ZNF804B: variants seen among roughly 807,000 people sequenced by gnomAD.
ZNF804B encodes zinc finger protein 804B.
Under a neutral mutation model 101.4 loss-of-function variants are expected in ZNF804B, and 80 were observed. That is an observed-to-expected ratio of 0.79 (90% CI 0.66 to 0.95). ZNF804B has a LOEUF of 0.95. Among genes scored for constraint, ZNF804B ranks in the 40% least tolerant of loss-of-function variants. The probability of loss-of-function intolerance (pLI) is 0.00; values close to 1 mark genes in which losing one functional copy is unlikely to be tolerated. For synonymous variants in ZNF804B, 622 were observed against 558.8 expected (o/e 1.11, Z -1.59); for missense variants, 1,673 against 1,561.9 (o/e 1.07, Z -1.20).
At position 88,841,069 on chromosome 7, in the gene ZNF804B, C is replaced by T. The variant is rs142392039; in HGVS notation, c.108+80985C>T. On this transcript the variant is annotated intron_variant, in intron 1 of 3. Transcript: ENST00000333190. ...CTCTTATCTATCTTCTTTAACTTCACACTTAGATAGGAAATGATTGTTAAC... is the reference window on the plus strand; with the variant it reads ...CTCTTATCTATCTTCTTTAACTTCATACTTAGATAGGAAATGATTGTTAAC... 7.7e-4 allele frequency among the ~76,000 whole-genome samples: 118 copies of T among 152,258 alleles called. 1 individual carries two copies. Among genetic ancestry groups the T allele is most frequent in the African/African-American group, 2.7e-3 (113 of 41,560 alleles).
intron 1 of ZNF804B, among the ~76,000 whole-genome samples, chr7:89,180,703 C>T (rs1009279349): frequency 1.3e-5 from 2 of 151,622 alleles, no homozygotes; most frequent in Non-Finnish European, 2.9e-5. Flanking sequence ...AAAATAGTCT[C>T]TCCTGGAAAT....
chr7:89,134,348 G>A (rs1482649706), intron 1 of ZNF804B, among the ~76,000 whole-genome samples: 1 of 151,944 alleles, frequency 6.6e-6, no homozygotes, highest in Non-Finnish European at 1.5e-5. Flanking sequence ...TAAAACAGTG[G>A]GAATGGAGCT....
chr7:89,301,345 A>G (rs73384366), intron 2 of ZNF804B, among the ~76,000 whole-genome samples: 1 of 151,654 alleles, frequency 6.6e-6, no homozygotes, highest in Non-Finnish European at 1.5e-5. Flanking sequence ...TTGACAGGAC[A>G]ATGCAATAGC....
intron 1 of ZNF804B, among the ~76,000 whole-genome samples, chr7:89,123,354 T>C (rs1177079805): frequency 6.6e-6 from 1 of 152,162 alleles, no homozygotes; most frequent in African/African-American, 2.4e-5. Context: ...TATACTATGA[T>C]GGCAAGCAAA....
intron 1 of ZNF804B, among the ~76,000 whole-genome samples, chr7:88,804,558 C>A (rs1255013734): frequency 6.6e-6 from 1 of 151,962 alleles, no homozygotes; most frequent in Non-Finnish European, 1.5e-5. Flanking sequence ...TTAACTAACA[C>A]ACAGTGCACA....
chr7:89,180,980 T>C (rs532236146), intron 1 of ZNF804B, among the ~76,000 whole-genome samples: 19 of 151,216 alleles, frequency 1.3e-4, no homozygotes, highest in African/African-American at 3.6e-4. Flanking sequence ...GCCTGAATGC[T>C]CCCTCTGTGG....
intron 2 of ZNF804B, among the ~76,000 whole-genome samples, chr7:89,249,205 C>A (rs1442035569): frequency 6.6e-6 from 1 of 152,114 alleles, no homozygotes; most frequent in Non-Finnish European, 1.5e-5. Flanking sequence ...CAGTGGGGGA[C>A]TTGAACACTC....
At chr7:89,179,383 A>G (rs1788261714) in intron 1 of ZNF804B, among the ~76,000 whole-genome samples, 1 of 151,910 alleles carries the variant, frequency 6.6e-6, no homozygotes, top group South Asian at 2.1e-4. Flanking sequence ...CTTTAAGCTC[A>G]CTATTTCTTT....
intron 1 of ZNF804B, among the ~76,000 whole-genome samples, chr7:89,190,433 A>T (rs1788439922): frequency 6.6e-6 from 1 of 152,084 alleles, no homozygotes; most frequent in Admixed American, 6.6e-5. Flanking sequence ...ACAGACAAGG[A>T]GTTGCTTCTT....
At chr7:88,969,191 ACT>A (rs2116107559) in intron 1 of ZNF804B, among the ~76,000 whole-genome samples, 1 of 151,512 alleles carries the variant, frequency 6.6e-6, no homozygotes, top group East Asian at 2.0e-4. Context: ...TTCCATGAAG[ACT>A]CTATTACTGA....
intron 1 of ZNF804B, among the ~76,000 whole-genome samples, chr7:89,129,665 A>G (rs1360150391): frequency 1.3e-5 from 2 of 151,988 alleles, no homozygotes; most frequent in African/African-American, 4.8e-5. Flanking sequence ...GATGAGGTAG[A>G]ATACTATTAT....
intron 1 of ZNF804B, among the ~76,000 whole-genome samples, chr7:89,103,063 T>TTTTTGTTTTG (rs1790084361): frequency 1.5e-5 from 2 of 134,038 alleles, no homozygotes; most frequent in African/African-American, 6.1e-5. Context: ...TTTTTTTTTT[T>TTTTTGTTTTG]TTTTTTTTTT....
intron 1 of ZNF804B, among the ~76,000 whole-genome samples, chr7:89,147,619 C>T (rs746189326): frequency 6.6e-6 from 1 of 151,990 alleles, no homozygotes; most frequent in Admixed American, 6.6e-5. Flanking sequence ...CCAGGCCATA[C>T]AGCAGGAGGT....
chr7:88,867,445 C>T (rs1434490309), intron 1 of ZNF804B, among the ~76,000 whole-genome samples: 1 of 152,178 alleles, frequency 6.6e-6, no homozygotes, highest in Non-Finnish European at 1.5e-5. Flanking sequence ...TGTCCCAGAT[C>T]CAAGAAAGAG....
At chr7:88,861,136 G>T in intron 1 of ZNF804B, among the ~76,000 whole-genome samples, 1 of 152,206 alleles carries the variant, frequency 6.6e-6, no homozygotes, top group East Asian at 1.9e-4. Flanking sequence ...AAGTGCTAGA[G>T]AACATAAAGA....
intron 1 of ZNF804B, among the ~76,000 whole-genome samples, chr7:89,117,720 C>T (rs1297037964): frequency 6.6e-6 from 1 of 152,038 alleles, no homozygotes; most frequent in East Asian, 1.9e-4. Flanking sequence ...ATTTTTTATT[C>T]AAATTATCAT....
At chr7:88,985,965 AT>A (rs1793754879) in intron 1 of ZNF804B, among the ~76,000 whole-genome samples, 1 of 152,148 alleles carries the variant, frequency 6.6e-6, no homozygotes, top group Non-Finnish European at 1.5e-5. Context: ...TTTCAAAATG[AT>A]TCGTCACATG....
At chr7:89,318,768 C>T (rs898501551) in intron 2 of ZNF804B, among the ~76,000 whole-genome samples, 5 of 152,058 alleles carry the variant, frequency 3.3e-5, no homozygotes, top group Non-Finnish European at 7.4e-5. Context: ...TTGCTGAGAC[C>T]AGCTCATTCG....
chr7:89,098,294 TAG>T (rs879745450), intron 1 of ZNF804B, among the ~76,000 whole-genome samples: 6 of 150,348 alleles, frequency 4.0e-5, no homozygotes, highest in Non-Finnish European at 8.9e-5. Context: ...TTTTTTGAGA[TAG>T]AGTCTTGCTC....
Sources: gnomAD v4.1 joint callset for allele counts (sites outside exome capture counted in the v4.1 genomes callset) on GRCh38, gnomAD v4.1.1 for gene constraint, MANE v1.5 for transcripts, NCBI Gene and HGNC (gene_info 2026-07-23, HGNC 2026-07-21) for gene names.